FBXW7: variants seen among roughly 807,000 people sequenced by gnomAD.
The protein encoded by FBXW7 is F-box/WD repeat-containing protein 7.
FBXW7 carries 11 observed loss-of-function variants against 86.3 expected under a neutral mutation model. The observed-to-expected ratio is 0.13, with a 90% confidence interval of 0.08 to 0.21. The LOEUF (loss-of-function observed/expected upper bound fraction) is 0.21. Among genes scored for constraint, FBXW7 ranks in the 10% least tolerant of loss-of-function variants. FBXW7 has a pLI of 1.00. For synonymous variants in FBXW7, 313 were observed against 297.9 expected (o/e 1.05, Z -0.52); for missense variants, 488 against 847.4 (o/e 0.58, Z 5.27).
chr4:152,511,164 C>A (rs1305577670), intron 2 of FBXW7, among the ~76,000 whole-genome samples: 2 of 150,436 alleles, frequency 1.3e-5, no homozygotes, highest in East Asian at 3.9e-4. Context: ...GGATTTTATT[C>A]TTTTTCTCCA....
intron 2 of FBXW7, among the ~76,000 whole-genome samples, chr4:152,440,306 C>T (rs1237346773): frequency 1.3e-5 from 2 of 152,100 alleles, no homozygotes; most frequent in African/African-American, 2.4e-5. Context: ...CAGCACAACA[C>T]CTTTGAAATT....
chr4:152,458,565 G>A (rs936370048), intron 2 of FBXW7, among the ~76,000 whole-genome samples: 1 of 152,196 alleles, frequency 6.6e-6, no homozygotes, highest in Admixed American at 6.5e-5. Flanking sequence ...TGTCTTAGCA[G>A]CCAATATTGT....
At chr4:152,421,135 T>C (rs932941931) in intron 2 of FBXW7, among the ~76,000 whole-genome samples, 1 of 152,138 alleles carries the variant, frequency 6.6e-6, no homozygotes, top group Non-Finnish European at 1.5e-5. Flanking sequence ...TACTTTACCT[T>C]GTACTTACAT....
At chr4:152,343,698 C>T (rs1205300235) in intron 6 of FBXW7, among the ~76,000 whole-genome samples, 2 of 152,178 alleles carry the variant, frequency 1.3e-5, no homozygotes, top group South Asian at 4.1e-4. Flanking sequence ...TTTATTAGCA[C>T]CTGAATGATA....
intron 2 of FBXW7, among the ~76,000 whole-genome samples, chr4:152,473,884 A>G (rs77947978): frequency 0.017 from 2,583 of 152,282 alleles, 82 homozygotes; most frequent in African/African-American, 0.058. Flanking sequence ...GGCACTCTAG[A>G]ACAAAAAAGG....
chr4:152,502,654 G>A (rs1747066104), intron 2 of FBXW7, among the ~76,000 whole-genome samples: 1 of 151,878 alleles, frequency 6.6e-6, no homozygotes, highest in Admixed American at 6.6e-5. Flanking sequence ...AGGCATTACA[G>A]CAATACACAA....
chr4:152,323,203 T>TA (rs1443504376), intron 13 of FBXW7, 54 bp from the exon 14 acceptor site: 43 of 1,550,002 alleles, frequency 2.8e-5, no homozygotes, highest in Non-Finnish European at 3.8e-5. Flanking sequence ...GGCTATGAGT[T>TA]AGTTACATTA....
intron 2 of FBXW7, among the ~76,000 whole-genome samples, chr4:152,417,866 A>G (rs187613257): frequency 2.6e-5 from 4 of 152,190 alleles, no homozygotes; most frequent in Admixed American, 2.6e-4. Flanking sequence ...CAAGCTACCA[A>G]GCAGGGCAGA....
At chr4:152,418,127 C>CCACACCCA (rs1738612771) in intron 2 of FBXW7, among the ~76,000 whole-genome samples, 1 of 143,844 alleles carries the variant, frequency 7.0e-6, no homozygotes. Context: ...ACAGCTCTTA[C>CCACACCCA]CACACACACA....
At chr4:152,508,166 G>A (rs1254912959) in intron 2 of FBXW7, among the ~76,000 whole-genome samples, 1 of 151,600 alleles carries the variant, frequency 6.6e-6, no homozygotes, top group Admixed American at 6.6e-5. Flanking sequence ...GCCAAACCTG[G>A]GATAATTAGA....
rs938351677 is a variant in FBXW7 at position 152,535,661 on chromosome 4, G to A, written c.-747C>T. ...CTCCCGCATGTGTCGCTGCGGCTGG[G>A]ACCCCCCTCCCTACACCTTGGGGGT... is the stretch of plus-strand genomic sequence containing the variant. On this transcript the variant is annotated 5_prime_UTR_variant, in exon 1 of 14. Transcript: ENST00000281708. 5.8e-5 allele frequency: 23 copies of A among 396,342 alleles called. No individual in the cohort carries two copies. Among genetic ancestry groups the A allele is most frequent in the Non-Finnish European group, 8.9e-5 (20 of 224,584 alleles). 24.6% of individuals were successfully genotyped at this position (396,342 alleles called of 1,614,324 possible).
chr4:152,330,550 G>T (rs562479953), intron 9 of FBXW7, among the ~76,000 whole-genome samples, 182 bp downstream of exon 9: 120 of 152,060 alleles, frequency 7.9e-4, no homozygotes, highest in Non-Finnish European at 1.4e-3. Flanking sequence ...ACAATTAGTT[G>T]TCAGATTAGA....
intron 7 of FBXW7, 171 bp downstream of exon 7, chr4:152,337,629 TAC>T: frequency 3.5e-6 from 2 of 563,760 alleles, no homozygotes; most frequent in Non-Finnish European, 5.9e-6. Context: ...ATCTGACAAT[TAC>T]ATTATTAAGT....
intron 2 of FBXW7, among the ~76,000 whole-genome samples, chr4:152,454,154 T>C (rs1241331207): frequency 6.6e-6 from 1 of 152,092 alleles, no homozygotes; most frequent in Non-Finnish European, 1.5e-5. Context: ...ATGTATTTTC[T>C]AGTTAATTTG....
chr4:152,349,459 T>C (rs1452230659), intron 5 of FBXW7, among the ~76,000 whole-genome samples: 2 of 151,972 alleles, frequency 1.3e-5, no homozygotes, highest in East Asian at 1.9e-4. Context: ...AAAAGTTTTA[T>C]ACTGATGTAA....
intron 2 of FBXW7, among the ~76,000 whole-genome samples, chr4:152,467,153 T>C (rs751726334): frequency 9.2e-5 from 14 of 152,198 alleles, no homozygotes; most frequent in Non-Finnish European, 1.8e-4. Context: ...TGAATTGCAG[T>C]TCTCACAATC....
intron 4 of FBXW7, among the ~76,000 whole-genome samples, chr4:152,374,654 A>G (rs1734320958): frequency 1.3e-5 from 2 of 152,136 alleles, no homozygotes; most frequent in Non-Finnish European, 2.9e-5. Flanking sequence ...GTAAGAGTTT[A>G]TAACCTAACC....
intron 2 of FBXW7, among the ~76,000 whole-genome samples, chr4:152,528,867 T>A (rs1448347350): frequency 1.3e-5 from 2 of 152,180 alleles, no homozygotes; most frequent in Non-Finnish European, 2.9e-5. Flanking sequence ...TAATATTGCC[T>A]AAATTCCAGA....
chr4:152,352,593 A>G (rs374484825), intron 4 of FBXW7: 41 of 1,613,646 alleles, frequency 2.5e-5, no homozygotes, highest in Middle Eastern at 1.6e-4. Flanking sequence ...AACCTTTTTC[A>G]GGTAGGTATG....
Sources: gnomAD v4.1 joint callset for allele counts (sites outside exome capture counted in the v4.1 genomes callset) on GRCh38, gnomAD v4.1.1 for gene constraint, MANE v1.5 for transcripts, NCBI Gene and HGNC (gene_info 2026-07-23, HGNC 2026-07-21) for gene names.